The following DNAH2 variants were observed in gnomAD, a reference collection of about 807,000 sequenced individuals.
The protein encoded by DNAH2 is dynein axonemal heavy chain 2.
A neutral mutation model predicts 523.5 loss-of-function variants in DNAH2; 323 were observed. That is an observed-to-expected ratio of 0.62 (90% CI 0.56 to 0.68). DNAH2 has a LOEUF of 0.68. Ranked by LOEUF, DNAH2 falls within the 30% of genes least tolerant of loss-of-function variation. The pLI is 0.00. For missense variants in DNAH2, 4,907 were observed against 5,701.5 expected, an observed-to-expected ratio of 0.86 and a Z score of 4.49; for synonymous variants, 2,093 against 2,177.4, an observed-to-expected ratio of 0.96 and a Z score of 1.08.
chr17:7,749,370 C>T (rs933524668), intron 12 of DNAH2, among the ~76,000 whole-genome samples: 2 of 133,302 alleles, frequency 1.5e-5, no homozygotes, highest in African/African-American at 2.8e-5. Context: ...GAAAATCTTG[C>T]CAAGATGAGA....
chr17:7,778,357 C>T lies in DNAH2; in HGVS notation c.5429C>T (p.Thr1810Ile), dbSNP rs2076514692. 1 of 1,614,136 alleles carries T rather than the reference C, an allele frequency of 6.2e-7. No individual in the cohort carries two copies. The highest frequency in any genetic ancestry group is 8.5e-7 in the Non-Finnish European group (1 of 1,180,058). The change falls in exon 35 of 86, where the codon ACC becomes ATC. Residue 1810 changes from threonine to isoleucine, a missense_variant. Around this residue, in one of 3 missense-constraint regions of DNAH2, gnomAD observed 2,806 missense variants for 3,190.8 expected, o/e 0.88. Transcript: ENST00000572933. ...SPKGPAGTGK[T>I]ETVKDLGKAL... The stretch of plus-strand genomic sequence containing the variant: ...AAAGGCCCTGCAGGCACAGGCAAGA[C>T]CGAGACCGTCAAGGACCTGGGCAAG...
chr17:7,802,302 C>A (rs1009965318), intron 58 of DNAH2, among the ~76,000 whole-genome samples: 2 of 152,204 alleles, frequency 1.3e-5, no homozygotes, highest in Non-Finnish European at 2.9e-5. Flanking sequence ...CCATAATATA[C>A]CCAGTCCTTT....
In DNAH2 at chr17:7,831,358, G is replaced by A. The variant is rs750310396; in HGVS notation, c.12460-32G>A. 23 of 1,613,900 alleles carry A rather than the reference G, an allele frequency of 1.4e-5. No individual in the cohort carries two copies. Among genetic ancestry groups the A allele is most frequent in the Non-Finnish European group, 1.9e-5 (22 of 1,179,978 alleles). ...GGGGGAGGGAAAGTGATGAGAAGAG[G>A]GGGCTACACTCAAGAGCTCCTGCCT... On this transcript the variant is annotated intron_variant, in intron 80 of 85. Coordinates refer to ENST00000572933, the MANE Select transcript of DNAH2 (RefSeq NM_020877.5). This position sits in a 1 kb window ranked among gnomAD's most constrained non-coding sequence, Gnocchi z 4.2.
At chr17:7,824,491 C>A in intron 76 of DNAH2, 46 bp from the exon 77 acceptor site, 1 of 1,480,778 alleles carries the variant, frequency 6.8e-7, no homozygotes, top group South Asian at 1.4e-5. Flanking sequence ...TGAGGACAGG[C>A]AGGGCTTAGG....
At chr17:7,741,188 G>A (rs893482036) in intron 11 of DNAH2, among the ~76,000 whole-genome samples, 196 bp downstream of exon 11, 2 of 151,930 alleles carry the variant, frequency 1.3e-5, no homozygotes, top group Admixed American at 6.6e-5. Context: ...TAGAACATGC[G>A]CCATTTTAGG....
At position 7,830,996 on chromosome 17, in the gene DNAH2, C is replaced by A. The variant is rs1002505648; in HGVS notation, c.12231-90C>A. The A allele has an allele frequency of 5.3e-6, 8 of 1,506,792 alleles. No individual in the cohort carries two copies. The Admixed American group carries it at 1.2e-4, about 22-fold the overall frequency. 93.3% of individuals were successfully genotyped at this position (1,506,792 alleles called of 1,614,324 possible). On this transcript the variant is annotated intron_variant, in intron 79 of 85. Transcript: ENST00000572933. ...ATGGGGAGCAGGGCAGGGAGCTGGA[C>A]AAATTGGACATGCATAGGTTTGGGG...
At chr17:7,728,318 A>T (rs996658461) in intron 4 of DNAH2, among the ~76,000 whole-genome samples, 1 of 152,146 alleles carries the variant, frequency 6.6e-6, no homozygotes, top group Admixed American at 6.6e-5. Context: ...TTGGAAAAAA[A>T]ATGTTGGAAA....
chr17:7,782,241 GAA>G (rs1272857460), intron 39 of DNAH2, among the ~76,000 whole-genome samples: 3 of 152,158 alleles, frequency 2.0e-5, no homozygotes, highest in Admixed American at 2.0e-4. Context: ...CCAGTAGATG[GAA>G]AAACGAGAAG....
At chr17:7,753,618 C>T (rs186423867) in intron 12 of DNAH2, among the ~76,000 whole-genome samples, 31 of 152,202 alleles carry the variant, frequency 2.0e-4, no homozygotes, top group East Asian at 1.4e-3. Flanking sequence ...GAAAAGAGTG[C>T]GTTTGAAGAA....
At chr17:7,746,911 C>T (rs187249698) in intron 12 of DNAH2, among the ~76,000 whole-genome samples, 143 of 151,258 alleles carry the variant, frequency 9.5e-4, no homozygotes, top group African/African-American at 2.8e-3. Context: ...CACTTGAACT[C>T]GGGAGGCGGA....
chr17:7,764,350 G>C, intron 20 of DNAH2, 77 bp downstream of exon 20: 1 of 1,520,442 alleles, frequency 6.6e-7, no homozygotes, highest in Non-Finnish European at 8.9e-7. Context: ...GGCTGTCCTC[G>C]GGGAGAGTAG....
chr17:7,763,656 G>A (rs536107100), intron 18 of DNAH2, among the ~76,000 whole-genome samples, 175 bp from the exon 19 acceptor site: 5 of 152,366 alleles, frequency 3.3e-5, no homozygotes, highest in African/African-American at 9.6e-5. Context: ...ATGACAGTCA[G>A]TCACAGCTGC....
chr17:7,801,702 C>G lies in DNAH2; in HGVS notation c.8824C>G (p.Gln2942Glu). 6.2e-7 allele frequency: 1 copy of G among 1,614,090 alleles called. No homozygotes were observed. The highest frequency in any genetic ancestry group is 1.7e-4 in the Middle Eastern group (1 of 6,060). Residue 2942 changes from glutamine to glutamate, a missense_variant, in exon 57 of 86, where the codon CAG (glutamine) becomes GAG (glutamate). Physicochemically the swap from Gln to Glu is conservative, Grantham distance 29. This residue lies in a region of DNAH2 where 1,851 missense variants were observed against 2,139.4 expected (regional missense o/e 0.87). Coordinates refer to ENST00000572933, the MANE Select transcript of DNAH2 (RefSeq NM_020877.5). ...KCLIGVDLGT[Q>E]ENIHRKVAQI... Reference sequence around the variant, plus strand: ...CCTCATAGGAGTAGACCTGGGAACTCAGGAGAATGTGAGCCCCTCCTCCCC... The same window carrying G: ...CCTCATAGGAGTAGACCTGGGAACTGAGGAGAATGTGAGCCCCTCCTCCCC...
rs765899599 is a variant in DNAH2 at position 7,764,109 on chromosome 17, G to A, written c.3180-8G>A. On this transcript the variant is annotated splice_polypyrimidine_tract_variant and splice_region_variant and intron_variant, in intron 19 of 85. Transcript: ENST00000572933. ...CCACTCACTAGCACTCCCTTTGCCC[G>A]CCTTCAGAATCAGCCGCCCTCCGCA... The A allele has an allele frequency of 9.3e-6, 15 of 1,614,060 alleles. No homozygotes were observed. The highest frequency in any genetic ancestry group is 4.4e-5 in the South Asian group (4 of 91,082).
chr17:7,776,235 G>T, intron 31 of DNAH2, 86 bp downstream of exon 31: 1 of 1,492,384 alleles, frequency 6.7e-7, no homozygotes, highest in South Asian at 1.2e-5. Flanking sequence ...GGAGGCCGAG[G>T]TGGGCAGATC....
At chr17:7,761,580 G>A (rs1213192525) in intron 18 of DNAH2, among the ~76,000 whole-genome samples, 1 of 151,524 alleles carries the variant, frequency 6.6e-6, no homozygotes, top group Non-Finnish European at 1.5e-5. Flanking sequence ...TGCCTCCCGG[G>A]TTCAAGCAAT....
In DNAH2 at chr17:7,718,208, G is replaced by A. The variant is rs938139827; in HGVS notation, c.-606G>A. ...GGGGCCTGCGGTGTGGGATCGCGTGGTGAACCCCACGGTGCATGCGCCTCA... is the reference window on the plus strand; with the variant it reads ...GGGGCCTGCGGTGTGGGATCGCGTGATGAACCCCACGGTGCATGCGCCTCA... On this transcript the variant is annotated 5_prime_UTR_variant, in exon 1 of 86. In the 5' UTR this introduces an upstream ATG that the reference lacks. Coordinates refer to ENST00000572933, the MANE Select transcript of DNAH2 (RefSeq NM_020877.5). 1.3e-5 allele frequency: 2 copies of A among 152,226 alleles called. No homozygotes were observed. Among genetic ancestry groups the A allele is most frequent in the Non-Finnish European group, 2.9e-5 (2 of 68,052 alleles). The allele number at this position is 152,226 out of a possible 1,614,324, so 9.4% of individuals were successfully genotyped here. A position where few individuals can be genotyped will look rare whatever the true frequency, so the allele number is the denominator to read the frequency against.
intron 63 of DNAH2, among the ~76,000 whole-genome samples, chr17:7,811,328 C>A (rs1284004070): frequency 6.6e-6 from 1 of 152,026 alleles, no homozygotes; most frequent in Admixed American, 6.6e-5. Context: ...TAAATAAATC[C>A]CTTTGCAAAC....
intron 68 of DNAH2, 76 bp downstream of exon 68, chr17:7,818,172 C>T: frequency 1.3e-6 from 2 of 1,599,740 alleles, no homozygotes; most frequent in Middle Eastern, 1.9e-4. Flanking sequence ...GTGTCCTCTT[C>T]TTACCTGTCC....
Sources: gnomAD v4.1 joint callset for allele counts (sites outside exome capture counted in the v4.1 genomes callset) on GRCh38, gnomAD v4.1.1 for gene constraint, gnomAD v4.1.1 regional missense constraint, Gnocchi (gnomAD v3.1) non-coding constraint, MANE v1.5 for transcripts, NCBI Gene and HGNC (gene_info 2026-07-23, HGNC 2026-07-21) for gene names.